The following ZFYVE9 variants were observed in gnomAD, a reference collection of about 807,000 sequenced individuals.
ZFYVE9 encodes the protein zinc finger FYVE domain-containing protein 9.
ZFYVE9 carries 43 observed loss-of-function variants against 126.7 expected under a neutral mutation model. That is an observed-to-expected ratio of 0.34 (90% CI 0.27 to 0.44). The LOEUF (loss-of-function observed/expected upper bound fraction) is 0.44. ZFYVE9 is among the 20% of genes least tolerant of loss of function. ZFYVE9 has a pLI of 1.00. For synonymous variants in ZFYVE9, 521 were observed against 597.4 expected, an observed-to-expected ratio of 0.87 and a Z score of 1.87; for missense variants, 1,476 against 1,697.0, an observed-to-expected ratio of 0.87 and a Z score of 2.29.
At chr1:52,234,193 T>A (rs958118299) in intron 3 of ZFYVE9, among the ~76,000 whole-genome samples, 1 of 152,196 alleles carries the variant, frequency 6.6e-6, no homozygotes, top group Non-Finnish European at 1.5e-5. Context: ...CCCTGTGTTC[T>A]CTATTTCTAA....
Position 52,293,568 on chromosome 1 carries a change from A to G in ZFYVE9, c.3141A>G (p.Val1047=), listed in dbSNP as rs1645945564. ...TSTYQSLQDL[V]LPTPPYLFGI... is the part of the protein sequence containing the mutation. ...CCTACCAGTCACTGCAAGACCTAGT[A>G]CTCCCAACCCCACCTTACTTGTTTG... Residue 1047 remains valine, a synonymous_variant, in exon 11 of 19, where the codon GTA becomes GTG. Transcript: ENST00000287727. The G allele has an allele frequency of 6.2e-7, 1 of 1,613,786 alleles. No homozygotes were observed. Among genetic ancestry groups the G allele is most frequent in the African/African-American group, 1.3e-5 (1 of 74,808 alleles).
chr1:52,342,991 C>T (rs1646452323), intron 17 of ZFYVE9, among the ~76,000 whole-genome samples: 1 of 151,758 alleles, frequency 6.6e-6, no homozygotes, highest in African/African-American at 2.4e-5. Flanking sequence ...ACTGCAAGCT[C>T]CACCTCCCAG....
chr1:52,262,474 A>G (rs1645588845), intron 4 of ZFYVE9, among the ~76,000 whole-genome samples: 1 of 152,144 alleles, frequency 6.6e-6, no homozygotes, highest in Non-Finnish European at 1.5e-5. Context: ...TAAGGATAAT[A>G]TGTATACCCT....
In ZFYVE9 at chr1:52,268,568, C is replaced by T. The variant is rs1645656246; in HGVS notation, c.2561C>T (p.Ala854Val). 6 of 1,614,180 alleles carry T rather than the reference C, an allele frequency of 3.7e-6. No homozygotes were observed. The highest frequency in any genetic ancestry group is 2.2e-5 in the South Asian group (2 of 91,076). Residue 854 changes from alanine (A) to valine (V), a missense_variant, in exon 7 of 19, where the codon GCA (alanine) becomes GTA (valine). Physicochemically the swap from Ala to Val is moderately conservative, Grantham distance 64. Coordinates refer to ENST00000287727, the MANE Select transcript of ZFYVE9 (RefSeq NM_004799.4). ...AKLTMNGTSS[A>V]GTLAVSHDPV... ...TTAACAATGAATGGAACTTCCTCTG[C>T]AGGAACCCTGGCTGTGTCACACGAC...
At chr1:52,196,409 G>A (rs1001142511) in intron 1 of ZFYVE9, among the ~76,000 whole-genome samples, 1 of 152,148 alleles carries the variant, frequency 6.6e-6, no homozygotes, top group Non-Finnish European at 1.5e-5. Context: ...GCCAAGGTGG[G>A]TGGATCACTT....
At position 52,237,958 on chromosome 1, in the gene ZFYVE9, T is replaced by G; in HGVS notation, c.541T>G (p.Phe181Val). Reference sequence around the variant, plus strand: ...TAATAGTCAATCCCTTATGGATGCTTTTAGCTGTTCACTGGATAATGAAAA... The same window carrying G: ...TAATAGTCAATCCCTTATGGATGCTGTTAGCTGTTCACTGGATAATGAAAA... ...NYNSQSLMDA[F>V]SCSLDNENRQ... The change falls in exon 4 of 19, where the codon TTT (phenylalanine) becomes GTT (valine). Residue 181 changes from phenylalanine to valine, a missense_variant. Physicochemically the swap from Phe to Val is conservative, Grantham distance 50. Coordinates refer to ENST00000287727, the MANE Select transcript of ZFYVE9 (RefSeq NM_004799.4). 4 of 1,614,044 alleles carry G rather than the reference T, an allele frequency of 2.5e-6. No homozygotes were observed. Among genetic ancestry groups the G allele is most frequent in the Non-Finnish European group, 3.4e-6 (4 of 1,179,964 alleles).
At chr1:52,190,953 C>T (rs1246636068) in intron 1 of ZFYVE9, among the ~76,000 whole-genome samples, 1 of 151,706 alleles carries the variant, frequency 6.6e-6, no homozygotes, top group African/African-American at 2.4e-5. Context: ...CTTCCTCCCT[C>T]CCTTCCTTCC....
At chr1:52,242,029 A>ATTTTT (rs1645338681) in intron 4 of ZFYVE9, among the ~76,000 whole-genome samples, 11 of 136,064 alleles carry the variant, frequency 8.1e-5, no homozygotes, top group Admixed American at 1.4e-4. Flanking sequence ...TGTCATGGCA[A>ATTTTT]TCTTTTTTTT....
chr1:52,188,603 T>C (rs1359327738), intron 1 of ZFYVE9, among the ~76,000 whole-genome samples: 1 of 152,198 alleles, frequency 6.6e-6, no homozygotes, highest in Non-Finnish European at 1.5e-5. Context: ...GTACAAAAAA[T>C]AGTTTTGTAG....
intron 1 of ZFYVE9, among the ~76,000 whole-genome samples, chr1:52,215,915 A>G (rs1645068164): frequency 6.6e-6 from 1 of 152,254 alleles, no homozygotes; most frequent in South Asian, 2.1e-4. Context: ...CAGTTTGGCA[A>G]TAAAAATCAC....
intron 4 of ZFYVE9, among the ~76,000 whole-genome samples, chr1:52,247,012 A>T (rs975481749): frequency 8.6e-5 from 13 of 151,834 alleles, no homozygotes; most frequent in African/African-American, 3.1e-4. Flanking sequence ...CCGGCCACTA[A>T]TTTTTTAAAA....
At chr1:52,222,942 T>C (rs1396494001) in intron 2 of ZFYVE9, among the ~76,000 whole-genome samples, 1 of 152,206 alleles carries the variant, frequency 6.6e-6, no homozygotes, top group Non-Finnish European at 1.5e-5. Flanking sequence ...TATTTGACTT[T>C]GGTTTCCTCT....
At chr1:52,288,415 T>G (rs1645884352) in intron 10 of ZFYVE9, among the ~76,000 whole-genome samples, 1 of 152,130 alleles carries the variant, frequency 6.6e-6, no homozygotes, top group Non-Finnish European at 1.5e-5. Context: ...TCCTTCCTCC[T>G]CAGCCTCCCA....
chr1:52,307,328 A>G (rs975225874), intron 13 of ZFYVE9, among the ~76,000 whole-genome samples: 5 of 151,766 alleles, frequency 3.3e-5, no homozygotes, highest in Non-Finnish European at 7.4e-5. Context: ...CTACGCCTCC[A>G]GGATTCAAGC....
intron 4 of ZFYVE9, among the ~76,000 whole-genome samples, chr1:52,256,623 G>A (rs1290313065): frequency 6.6e-6 from 1 of 152,210 alleles, no homozygotes; most frequent in Non-Finnish European, 1.5e-5. Context: ...AATATTGAAA[G>A]TCTGAATTAG....
intron 15 of ZFYVE9, among the ~76,000 whole-genome samples, chr1:52,336,947 T>TA (rs71041896): frequency 0.82 from 88,590 of 107,756 alleles, 37,655 homozygotes; most frequent in Non-Finnish European, 0.92. Flanking sequence ...AGTCATCTCT[T>TA]AAAAAAAAAA....
intron 13 of ZFYVE9, among the ~76,000 whole-genome samples, chr1:52,306,818 C>T (rs1412578984): frequency 6.6e-6 from 1 of 152,252 alleles, no homozygotes; most frequent in Non-Finnish European, 1.5e-5. Flanking sequence ...AGGGCCTGTG[C>T]AGGCACCTGG....
intron 2 of ZFYVE9, among the ~76,000 whole-genome samples, chr1:52,230,070 G>A (rs1211343741): frequency 4.6e-5 from 7 of 151,932 alleles, no homozygotes; most frequent in Admixed American, 6.6e-5. Flanking sequence ...GGGTTTCACC[G>A]TGTTAGCCAG....
chr1:52,232,062 T>G (rs1392203419), intron 2 of ZFYVE9, among the ~76,000 whole-genome samples: 1 of 152,192 alleles, frequency 6.6e-6, no homozygotes, highest in East Asian at 1.9e-4. Context: ...ATTTCATCAC[T>G]TATTATATTT....
Sources: gnomAD v4.1 joint callset for allele counts (sites outside exome capture counted in the v4.1 genomes callset) on GRCh38, gnomAD v4.1.1 for gene constraint, MANE v1.5 for transcripts, NCBI Gene and HGNC (gene_info 2026-07-23, HGNC 2026-07-21) for gene names.